GRAMD1B: variants seen among roughly 807,000 people sequenced by gnomAD.
GRAMD1B encodes GRAM domain containing 1B, also known as protein Aster-B.
In GRAMD1B, 37 loss-of-function variants were observed where a neutral mutation model predicts 99.7. The observed-to-expected ratio is 0.37, with a 90% confidence interval of 0.29 to 0.49. The LOEUF (loss-of-function observed/expected upper bound fraction) is 0.49, where lower values mean the gene tolerates loss of function less well. Among genes scored for constraint, GRAMD1B ranks in the 20% least tolerant of loss-of-function variants. The probability of loss-of-function intolerance (pLI) is 0.98; values close to 1 mark genes in which losing one functional copy is unlikely to be tolerated. For synonymous variants in GRAMD1B, 427 were observed against 387.6 expected (o/e 1.10, Z -1.19); for missense variants, 888 against 1,009.2 (o/e 0.88, Z 1.63).
chr11:123,606,524 GC>G (rs1285818020), intron 10 of GRAMD1B, 84 bp from the exon 11 acceptor site: 31 of 1,245,290 alleles, frequency 2.5e-5, no homozygotes, highest in Admixed American at 6.5e-5. Flanking sequence ...TATGAGAGCT[GC>G]CAAGGCTGCA....
rs920038565 is a variant in GRAMD1B at position 123,552,705 on chromosome 11, T to A, written c.453-24662T>A. On this transcript the variant is annotated intron_variant, in intron 2 of 19. Coordinates refer to ENST00000635736, the MANE Select transcript of GRAMD1B (RefSeq NM_001387025.1). ...TTTCTCTAGTCCCTGATGAATGACA[T>A]CTCGTTATACTGAATAAAGTTGCAG... is the stretch of plus-strand genomic sequence containing the variant. Among the ~76,000 whole-genome samples, 3 of 152,192 alleles carry A rather than the reference T, an allele frequency of 2.0e-5. No individual in the cohort carries two copies. In the East Asian group the frequency reaches 5.8e-4, roughly 29 times the overall value.
intron 2 of GRAMD1B, among the ~76,000 whole-genome samples, chr11:123,569,059 C>G (rs558395839): frequency 3.9e-5 from 6 of 152,136 alleles, no homozygotes; most frequent in Non-Finnish European, 7.4e-5. Context: ...TGAGTCTGAG[C>G]TGTGAAGGGG....
intron 1 of GRAMD1B, among the ~76,000 whole-genome samples, chr11:123,448,779 G>C (rs1591558783): frequency 6.6e-6 from 1 of 152,106 alleles, no homozygotes; most frequent in Non-Finnish European, 1.5e-5. Flanking sequence ...TTTTCACGAG[G>C]CTTCTCTCCC....
intron 12 of GRAMD1B, 37 bp downstream of exon 12, chr11:123,608,839 T>G (rs1422313952): frequency 7.8e-7 from 1 of 1,284,806 alleles, no homozygotes. Context: ...CATTCCTCCC[T>G]CTTCATCCTC....
At chr11:123,598,799 C>T in intron 7 of GRAMD1B, 1 of 1,032,066 alleles carries the variant, frequency 9.7e-7, no homozygotes, top group Admixed American at 1.7e-5. Flanking sequence ...CCCATTTCTT[C>T]TCAAATTCAG....
Position 123,612,800 on chromosome 11 carries a change from G to C in GRAMD1B, c.1959G>C (p.Gly653=). ...TELRYRKQPW[G]LVKTFIEKNF... ...TGCGCTATCGAAAACAGCCCTGGGG[G>C]TTAGTGAAAACGTTCATCGAGAAGA... The change falls in exon 15 of 20, where the codon GGG becomes GGC. Residue 653 remains glycine, a synonymous_variant. Transcript: ENST00000635736. 4.3e-6 allele frequency: 7 copies of C among 1,612,164 alleles called. No homozygotes were observed. Among genetic ancestry groups the C allele is most frequent in the Non-Finnish European group, 4.2e-6 (5 of 1,178,788 alleles).
At chr11:123,534,877 A>T (rs372249603) in intron 2 of GRAMD1B, among the ~76,000 whole-genome samples, 1 of 152,044 alleles carries the variant, frequency 6.6e-6, no homozygotes, top group Non-Finnish European at 1.5e-5. Context: ...AGAAAAAAAA[A>T]AATAATGAGG....
chr11:123,583,163 G>A (rs1383056444), intron 3 of GRAMD1B, among the ~76,000 whole-genome samples: 1 of 151,846 alleles, frequency 6.6e-6, no homozygotes, highest in Non-Finnish European at 1.5e-5. Context: ...ATGTCTGCAT[G>A]TGTGGGTGGT....
intron 2 of GRAMD1B, among the ~76,000 whole-genome samples, chr11:123,556,183 A>G (rs1407735152): frequency 6.6e-6 from 1 of 152,160 alleles, no homozygotes; most frequent in African/African-American, 2.4e-5. Flanking sequence ...TCAGAAAAGC[A>G]CTCGTGATTT....
At chr11:123,523,681 C>T (rs1942414522) in intron 2 of GRAMD1B, among the ~76,000 whole-genome samples, 1 of 152,196 alleles carries the variant, frequency 6.6e-6, no homozygotes, top group Admixed American at 6.5e-5. Flanking sequence ...GATGAGAATA[C>T]AGTATTCACG....
chr11:123,460,107 T>C (rs1050541022), intron 1 of GRAMD1B: 1 of 151,854 alleles, frequency 6.6e-6, no homozygotes, highest in Non-Finnish European at 1.5e-5. Flanking sequence ...AAACTAAAAA[T>C]AAATGGTTTG....
At position 123,405,034 on chromosome 11, in the gene GRAMD1B, A is replaced by C. The variant is rs1413410123; in HGVS notation, c.-176+46235A>C. ...GCTTCAACCTGTCAGTCAGAAGGGA[A>C]ATAGCCAAGAAACTGTCTTCTCACC... is the stretch of plus-strand genomic sequence containing the variant. On this transcript the variant is annotated intron_variant, in intron 1 of 20. Transcript: ENST00000638157. Among the ~76,000 whole-genome samples the C allele has an allele frequency of 3.3e-5, 5 of 152,356 alleles. No individual in the cohort carries two copies. In the East Asian group the frequency reaches 9.6e-4, roughly 29 times the overall value.
chr11:123,621,913 T>TTTCTTTTC (rs1955174079), intron 19 of GRAMD1B, among the ~76,000 whole-genome samples: 1 of 139,358 alleles, frequency 7.2e-6, no homozygotes, highest in Admixed American at 7.6e-5. Flanking sequence ...TCTTTCTTTC[T>TTTCTTTTC]TTTCTTCTTC....
At chr11:123,619,995 G>A (rs1954919068) in intron 19 of GRAMD1B, among the ~76,000 whole-genome samples, 1 of 152,168 alleles carries the variant, frequency 6.6e-6, no homozygotes. Context: ...GCCAGAGACG[G>A]CATCCCAGCT....
chr11:123,509,438 ATTCT>A (rs1269640666), intron 2 of GRAMD1B, among the ~76,000 whole-genome samples: 2 of 152,184 alleles, frequency 1.3e-5, no homozygotes, highest in Non-Finnish European at 2.9e-5. Flanking sequence ...TCCATAGATT[ATTCT>A]TTCTGATTGG....
intron 1 of GRAMD1B, among the ~76,000 whole-genome samples, chr11:123,432,283 A>G (rs1432253444): frequency 6.6e-6 from 1 of 152,120 alleles, no homozygotes. Flanking sequence ...ACACCTGGGC[A>G]CAGTGGCTCA....
At chr11:123,569,116 A>T (rs920590819) in intron 2 of GRAMD1B, among the ~76,000 whole-genome samples, 1 of 37,016 alleles carries the variant, frequency 2.7e-5, no homozygotes, top group Non-Finnish European at 4.7e-5. Context: ...CAGTCGTGTC[A>T]TCTCTCTGGA....
intron 3 of GRAMD1B, among the ~76,000 whole-genome samples, chr11:123,583,026 G>A (rs948421555): frequency 6.6e-6 from 1 of 152,008 alleles, no homozygotes; most frequent in Non-Finnish European, 1.5e-5. Context: ...GTGTGTATGT[G>A]TGTGAATGTA....
chr11:123,489,127 G>C (rs1291365927), intron 2 of GRAMD1B, among the ~76,000 whole-genome samples: 1 of 151,246 alleles, frequency 6.6e-6, no homozygotes, highest in Non-Finnish European at 1.5e-5. Flanking sequence ...CCCAGATAAA[G>C]GGTCCTAGAA....
Sources: gnomAD v4.1 joint callset for allele counts (sites outside exome capture counted in the v4.1 genomes callset) on GRCh38, gnomAD v4.1.1 for gene constraint, MANE v1.5 for transcripts, NCBI Gene and HGNC (gene_info 2026-07-23, HGNC 2026-07-21) for gene names.